Variants in PZP observed in about 807,000 individuals in gnomAD.
PZP encodes the protein pregnancy zone protein.
Under a neutral mutation model 179.8 loss-of-function variants are expected in PZP, and 150 were observed. The ratio of observed to expected loss-of-function variants is 0.83; its 90% CI spans 0.73 to 0.96. PZP has a LOEUF of 0.96. PZP is among the 40% of genes least tolerant of loss of function. The pLI is 0.00. For missense variants in PZP, 1,689 were observed against 1,764.0 expected, an observed-to-expected ratio of 0.96 and a Z score of 0.76; for synonymous variants, 624 against 652.3, an observed-to-expected ratio of 0.96 and a Z score of 0.66.
At chr12:9,201,260 T>A in intron 5 of PZP, 67 bp downstream of exon 5, 1 of 1,393,366 alleles carries the variant, frequency 7.2e-7, no homozygotes, top group Non-Finnish European at 1.0e-6. Flanking sequence ...CTGTCTAGAG[T>A]ATTATCAGAA....
At position 9,197,008 on chromosome 12, in the gene PZP, T is replaced by G; in HGVS notation, c.867+4A>C. ...AGCACTGAGGGAGAATACCGCCTACTAACCTGTTGACTGAATTCCTCACAG... is the reference window on the plus strand; with the variant it reads ...AGCACTGAGGGAGAATACCGCCTACGAACCTGTTGACTGAATTCCTCACAG... On this transcript the variant is annotated splice_donor_region_variant and intron_variant, in intron 8 of 35. Coordinates refer to ENST00000261336, the MANE Select transcript of PZP (RefSeq NM_002864.3). The G allele has an allele frequency of 1.3e-6, 2 of 1,588,522 alleles. No homozygotes were observed. The highest frequency in any genetic ancestry group is 1.7e-6 in the Non-Finnish European group (2 of 1,157,030).
At chr12:9,198,833 T>G (rs1943990468) in intron 7 of PZP, among the ~76,000 whole-genome samples, 1 of 152,214 alleles carries the variant, frequency 6.6e-6, no homozygotes, top group African/African-American at 2.4e-5. Context: ...CACTATTAAT[T>G]TGGACACATA....
intron 32 of PZP, among the ~76,000 whole-genome samples, 154 bp downstream of exon 32, chr12:9,152,066 G>A (rs758964810): frequency 3.3e-5 from 5 of 152,036 alleles, no homozygotes; most frequent in Non-Finnish European, 5.9e-5. Context: ...CTTAGCTTAC[G>A]GCCAACTAAA....
chr12:9,143,428 T>C, the PZP span, among the ~76,000 whole-genome samples: 2 of 151,780 alleles, frequency 1.3e-5, no homozygotes, highest in Admixed American at 6.6e-5. Context: ...TCCAGGGGGA[T>C]GAGGATAGAG....
intron 15 of PZP, among the ~76,000 whole-genome samples, chr12:9,176,913 A>T (rs1271697071): frequency 6.6e-6 from 1 of 152,198 alleles, no homozygotes; most frequent in Non-Finnish European, 1.5e-5. Flanking sequence ...GAGAGGCATT[A>T]TCTGTACTTG....
chr12:9,149,678 T>C, intron 34 of PZP, 76 bp from the exon 35 acceptor site: 4 of 1,461,566 alleles, frequency 2.7e-6, no homozygotes, highest in Non-Finnish European at 2.8e-6. Flanking sequence ...GTCTAGTCAC[T>C]TTACTACTGG....
rs1470972830 is a variant in PZP, at chr12:9,152,074, A to G, written c.4212+146T>C. 10 of 678,418 alleles carry G rather than the reference A, an allele frequency of 1.5e-5. No homozygotes were observed. In the Admixed American group the frequency reaches 2.3e-4, roughly 16 times the overall value. The allele number at this position is 678,418 out of a possible 1,614,324, so 42.0% of individuals were successfully genotyped here. A position where few individuals can be genotyped will look rare whatever the true frequency, so the allele number is the denominator to read the frequency against. ...TATGTCCCTTAGCTTACGGCCAACT[A>G]AATAGTTCATTTACTTCCTGGGTTT... On this transcript the variant is annotated intron_variant, in intron 32 of 35. Transcript: ENST00000261336.
chr12:9,208,130 G>T (rs773856431), intron 1 of PZP, 129 bp downstream of exon 1: 2 of 657,434 alleles, frequency 3.0e-6, no homozygotes, highest in Non-Finnish European at 5.4e-6. Flanking sequence ...GGATTAACTG[G>T]AATAATTTCT....
intron 15 of PZP, among the ~76,000 whole-genome samples, chr12:9,178,206 TAAAC>T (rs1381441614): frequency 1.3e-5 from 2 of 152,222 alleles, no homozygotes; most frequent in African/African-American, 4.8e-5. Flanking sequence ...AATTCAGAAA[TAAAC>T]AATTCATACG....
intron 13 of PZP, among the ~76,000 whole-genome samples, chr12:9,184,282 T>C (rs1232237454): frequency 2.0e-5 from 3 of 151,908 alleles, no homozygotes. Flanking sequence ...GCCCCTGCAA[T>C]GGAGCTGCCA....
At chr12:9,201,589 A>G (rs534282167) in intron 4 of PZP, among the ~76,000 whole-genome samples, 12 of 152,192 alleles carry the variant, frequency 7.9e-5, no homozygotes, top group Non-Finnish European at 1.8e-4. Flanking sequence ...TTGGTGAATG[A>G]TATTATTGAA....
chr12:9,153,355 G>A lies in PZP; in HGVS notation c.3775-12C>T, dbSNP rs370298342. On this transcript the variant is annotated splice_polypyrimidine_tract_variant and intron_variant, in intron 29 of 35. Coordinates refer to ENST00000261336, the MANE Select transcript of PZP (RefSeq NM_002864.3). ...GCCACCACTGTGTCCTGGAAGAGAC[G>A]AGTGGACAACCGCCCCAAAGAGTAA... 6.9e-5 allele frequency: 111 copies of A among 1,603,962 alleles called. 1 individual carries two copies. The African/African-American group carries it at 1.3e-3, about 18-fold the overall frequency.
At chr12:9,137,027 G>A in the PZP span, among the ~76,000 whole-genome samples, 4 of 152,068 alleles carry the variant, frequency 2.6e-5, no homozygotes, top group Non-Finnish European at 4.4e-5. Flanking sequence ...GAGCTTTCCA[G>A]TTTGACATAG....
Position 9,148,876 on chromosome 12 carries a change from T to C in PZP, c.*96A>G. The C allele has an allele frequency of 9.1e-7, 1 of 1,094,680 alleles. No individual in the cohort carries two copies. The highest frequency in any genetic ancestry group is 1.4e-6 in the Non-Finnish European group (1 of 733,556). 67.8% of individuals were successfully genotyped at this position (1,094,680 alleles called of 1,614,324 possible). On this transcript the variant is annotated 3_prime_UTR_variant, in exon 36 of 36. Coordinates refer to ENST00000261336, the MANE Select transcript of PZP (RefSeq NM_002864.3). ...GAAGTACATATTTATTCAGCAAATA[T>C]TTTTAGTGTCTATTTTATAGAGACA...
At position 9,158,470 on chromosome 12, in the gene PZP, CCTT is replaced by C; in HGVS notation, c.3241_3243del (p.Lys1081del). 1.2e-6 allele frequency: 2 copies of C among 1,614,132 alleles called. No homozygotes were observed. Among genetic ancestry groups the C allele is most frequent in the African/African-American group, 1.3e-5 (1 of 75,020 alleles). ...CCAGAGCTCCTGAAACAGCCATTGT[CCTT>C]CTGCATCTGGGAGAGCCACGTGAGA... On this transcript the variant is annotated inframe_deletion, in exon 26 of 36. Coordinates refer to ENST00000261336, the MANE Select transcript of PZP (RefSeq NM_002864.3).
Position 9,181,963 on chromosome 12 carries a change from T to C in PZP, c.1689+12A>G. ...TATTTGTGTTCTTTTAATTTTATGT[T>C]AAATCGCTCACCTTGTTGGCTAGAC... On this transcript the variant is annotated intron_variant, in intron 14 of 35. Coordinates refer to ENST00000261336, the MANE Select transcript of PZP (RefSeq NM_002864.3). 1 of 1,611,628 alleles carries C rather than the reference T, an allele frequency of 6.2e-7. No individual in the cohort carries two copies. Among genetic ancestry groups the C allele is most frequent in the African/African-American group, 1.3e-5 (1 of 74,836 alleles).
chr12:9,152,412 G>A lies in PZP; in HGVS notation c.4122-102C>T, dbSNP rs773037020. 152 of 848,200 alleles carry A rather than the reference G, an allele frequency of 1.8e-4. 4 individuals are homozygous for A. The highest frequency in any genetic ancestry group is 1.7e-3 in the South Asian group (117 of 69,346). 52.5% of individuals were successfully genotyped at this position (848,200 alleles called of 1,614,324 possible). Reference sequence around the variant, plus strand: ...TAAGCCTGTCTGTCTTCAAGAAGTTGTCCCTAATATTCTACAAAGGTCTGT... The same window carrying A: ...TAAGCCTGTCTGTCTTCAAGAAGTTATCCCTAATATTCTACAAAGGTCTGT... On this transcript the variant is annotated intron_variant, in intron 31 of 35. Transcript: ENST00000261336.
At chr12:9,146,763 G>A (rs1330922076), downstream of PZP, among the ~76,000 whole-genome samples, 1 of 152,108 alleles carries the variant, frequency 6.6e-6, no homozygotes, top group East Asian at 1.9e-4. Context: ...TGATGAGCTA[G>A]GGGAGTTATA....
intron 17 of PZP, 158 bp downstream of exon 17, chr12:9,168,711 T>A: frequency 1.6e-6 from 1 of 619,192 alleles, no homozygotes; most frequent in Non-Finnish European, 2.8e-6. Context: ...GTTCTAGCTA[T>A]CACCAGCTAA....
Sources: allele counts gnomAD v4.1 joint callset (sites outside exome capture counted in the v4.1 genomes callset), GRCh38; gene constraint gnomAD v4.1.1; transcripts MANE v1.5; gene names NCBI Gene and HGNC (gene_info 2026-07-23, HGNC 2026-07-21).